LRRIQ3: variants seen among roughly 807,000 people sequenced by gnomAD.
The protein encoded by LRRIQ3 is leucine rich repeats and IQ motif containing 3.
A neutral mutation model predicts 59.3 loss-of-function variants in LRRIQ3; 75 were observed. The ratio of observed to expected loss-of-function variants is 1.26; its 90% CI spans 1.05 to 1.53. The LOEUF is 1.53. Ranked by LOEUF, LRRIQ3 falls within the 40% of genes most tolerant of loss-of-function variation. The pLI, the probability that LRRIQ3 is intolerant of heterozygous loss-of-function variation, is 0.00. For missense variants in LRRIQ3, 831 were observed against 710.0 expected (o/e 1.17, Z -1.94); for synonymous variants, 250 against 231.3 (o/e 1.08, Z -0.73).
At chr1:74,063,237 C>A (rs1654779669) in intron 6 of LRRIQ3, among the ~76,000 whole-genome samples, 1 of 151,748 alleles carries the variant, frequency 6.6e-6, no homozygotes, top group Non-Finnish European at 1.5e-5. Flanking sequence ...CTAATGTAAT[C>A]TCATAATGAA....
intron 4 of LRRIQ3, among the ~76,000 whole-genome samples, chr1:74,131,428 A>G (rs528394790): frequency 6.6e-6 from 1 of 152,338 alleles, no homozygotes; most frequent in South Asian, 2.1e-4. Flanking sequence ...ACAAAAAAAG[A>G]GAATTTTAGA....
chr1:74,100,328 T>C (rs1396345246), intron 5 of LRRIQ3, among the ~76,000 whole-genome samples: 5 of 151,892 alleles, frequency 3.3e-5, no homozygotes, highest in African/African-American at 1.2e-4. Context: ...GAGAGTAAAA[T>C]ACCTAAGAAT....
intron 7 of LRRIQ3, among the ~76,000 whole-genome samples, chr1:74,040,897 G>C (rs1042575656): frequency 6.6e-6 from 1 of 152,102 alleles, no homozygotes; most frequent in Non-Finnish European, 1.5e-5. Flanking sequence ...GGCCGGACAC[G>C]TTGGCTCATG....
At chr1:74,138,794 T>G (rs1307768981) in intron 4 of LRRIQ3, among the ~76,000 whole-genome samples, 1 of 151,878 alleles carries the variant, frequency 6.6e-6, no homozygotes, top group Non-Finnish European at 1.5e-5. Flanking sequence ...AGGATGTAAC[T>G]GGGTTACATA....
intron 4 of LRRIQ3, among the ~76,000 whole-genome samples, chr1:74,151,696 AC>A (rs1198469263): frequency 9.2e-5 from 14 of 152,158 alleles, no homozygotes; most frequent in Non-Finnish European, 1.3e-4. Flanking sequence ...CCCAAAACTA[AC>A]CAGCCAAAAC....
intron 6 of LRRIQ3, among the ~76,000 whole-genome samples, chr1:74,063,791 T>A (rs1654795243): frequency 6.6e-6 from 1 of 151,998 alleles, no homozygotes. Flanking sequence ...AAATCTAAAG[T>A]GTGTTTGCTT....
intron 6 of LRRIQ3, among the ~76,000 whole-genome samples, chr1:74,067,486 G>T (rs1455382729): frequency 6.6e-6 from 1 of 152,086 alleles, no homozygotes; most frequent in Non-Finnish European, 1.5e-5. Flanking sequence ...TGAAGATGAA[G>T]AAATCAAGTG....
chr1:74,134,845 C>T (rs1647095264), intron 4 of LRRIQ3, among the ~76,000 whole-genome samples: 1 of 151,634 alleles, frequency 6.6e-6, no homozygotes, highest in Non-Finnish European at 1.5e-5. Flanking sequence ...CAGGGAAATA[C>T]ATGTGATATA....
chr1:74,096,151 T>C (rs1646446611), intron 5 of LRRIQ3, among the ~76,000 whole-genome samples: 1 of 152,112 alleles, frequency 6.6e-6, no homozygotes, highest in Non-Finnish European at 1.5e-5. Flanking sequence ...AGATTTAGTG[T>C]CTGGCTTAAT....
At chr1:74,197,283 C>CA (rs963933199) in intron 1 of LRRIQ3, among the ~76,000 whole-genome samples, 5 of 152,098 alleles carry the variant, frequency 3.3e-5, no homozygotes, top group African/African-American at 4.8e-5. Context: ...GAAATCGTCT[C>CA]AAAAAATCAA....
chr1:74,077,296 G>T (rs1646220136), intron 5 of LRRIQ3, among the ~76,000 whole-genome samples: 1 of 151,888 alleles, frequency 6.6e-6, no homozygotes. Context: ...ATCACATGTT[G>T]AAAATCACCT....
At position 74,082,248 on chromosome 1, in the gene LRRIQ3, G is replaced by A. The variant is rs905544303; in HGVS notation, c.868-7458C>T. 6 of 151,570 alleles carry A rather than the reference G, an allele frequency of 4.0e-5. No homozygotes were observed. In the East Asian group the frequency reaches 9.7e-4, roughly 24 times the overall value. 9.4% of individuals were successfully genotyped at this position (151,570 alleles called of 1,614,324 possible). ...GAAAGTGAGAAAAACATAGTAGAAA[G>A]CATAGGCTAAATTCTTAAGCTCCTG... On this transcript the variant is annotated intron_variant, in intron 5 of 7. Coordinates refer to ENST00000354431, the MANE Select transcript of LRRIQ3 (RefSeq NM_001105659.2).
intron 3 of LRRIQ3, among the ~76,000 whole-genome samples, chr1:74,157,597 C>T (rs1648414893): frequency 6.6e-6 from 1 of 151,864 alleles, no homozygotes; most frequent in African/African-American, 2.4e-5. Context: ...GCTTCTATCC[C>T]TATCATCCAA....
At chr1:74,114,025 TTA>T (rs952877602) in intron 4 of LRRIQ3, among the ~76,000 whole-genome samples, 1 of 151,628 alleles carries the variant, frequency 6.6e-6, no homozygotes. Flanking sequence ...GTGTATATTG[TTA>T]TATATATACA....
chr1:74,150,039 A>G (rs1481126981), intron 4 of LRRIQ3, among the ~76,000 whole-genome samples: 1 of 152,212 alleles, frequency 6.6e-6, no homozygotes, highest in African/African-American at 2.4e-5. Flanking sequence ...AGAGAAATGC[A>G]GTATATCCGG....
intron 5 of LRRIQ3, among the ~76,000 whole-genome samples, chr1:74,096,912 T>C (rs1239609958): frequency 6.6e-6 from 1 of 152,084 alleles, no homozygotes; most frequent in Non-Finnish European, 1.5e-5. Context: ...TCTGGAAGCT[T>C]CGTCTCAGAG....
intron 4 of LRRIQ3, among the ~76,000 whole-genome samples, chr1:74,129,310 C>G (rs1053311988): frequency 2.6e-5 from 4 of 152,042 alleles, no homozygotes; most frequent in Non-Finnish European, 5.9e-5. Flanking sequence ...AAGTCCTTCC[C>G]TACTTCCCTC....
At chr1:74,064,358 A>T in intron 6 of LRRIQ3, among the ~76,000 whole-genome samples, 1 of 151,954 alleles carries the variant, frequency 6.6e-6, no homozygotes, top group Non-Finnish European at 1.5e-5. Context: ...ATATTACATT[A>T]CTATATGTTA....
Position 74,041,415 on chromosome 1 carries a change from T to C in LRRIQ3, c.1516A>G (p.Lys506Glu), listed in dbSNP as rs755773782. The change falls in exon 7 of 8, where the codon AAA becomes GAA. Residue 506 changes from lysine (K) to glutamate (E), a missense_variant. Physicochemically the swap from Lys to Glu is moderately conservative, Grantham distance 56. Transcript: ENST00000354431. Reference protein sequence around the residue: ...KARERKALFLKEKSQKASERL... With the variant: ...KARERKALFLEEKSQKASERL... ...TCTGAAGCCTTTTGGGATTTTTCTT[T>C]TAGAAACAGAGCTTTTCTCTCTCTA... 6.2e-7 allele frequency: 1 copy of C among 1,613,890 alleles called. No individual in the cohort carries two copies. The highest frequency in any genetic ancestry group is 8.5e-7 in the Non-Finnish European group (1 of 1,179,890).
Sources: gnomAD v4.1 joint callset for allele counts (sites outside exome capture counted in the v4.1 genomes callset) on GRCh38, gnomAD v4.1.1 for gene constraint, MANE v1.5 for transcripts, NCBI Gene and HGNC (gene_info 2026-07-23, HGNC 2026-07-21) for gene names.